Variants in BEAN1 observed in about 807,000 individuals in gnomAD.
BEAN1 encodes the protein brain expressed associated with NEDD4 1.
BEAN1 carries 17 observed loss-of-function variants against 17.7 expected under a neutral mutation model. That is an observed-to-expected ratio of 0.96 (90% CI 0.66 to 1.44). The LOEUF (loss-of-function observed/expected upper bound fraction) is 1.44. Ranked by LOEUF, BEAN1 falls within the 40% of genes most tolerant of loss-of-function variation. The probability of loss-of-function intolerance (pLI) is 0.00; values close to 1 mark genes in which losing one functional copy is unlikely to be tolerated. For synonymous variants in BEAN1, 142 were observed against 151.8 expected (o/e 0.94, Z 0.47); for missense variants, 359 against 374.1 (o/e 0.96, Z 0.33).
intron 2 of BEAN1, among the ~76,000 whole-genome samples, chr16:66,465,533 C>T (rs545670264): frequency 6.6e-6 from 1 of 152,226 alleles, no homozygotes; most frequent in South Asian, 2.1e-4. Context: ...TCACTTTAAC[C>T]ATTTTTAAGT....
intron 2 of BEAN1, among the ~76,000 whole-genome samples, chr16:66,457,832 A>G (rs1219200369): frequency 6.6e-6 from 1 of 151,266 alleles, no homozygotes; most frequent in East Asian, 1.9e-4. Context: ...ATCCAAACCA[A>G]TGAGCCCTGC....
downstream of BEAN1, chr16:66,484,658 C>T (rs190619049): frequency 3.1e-3 from 1,425 of 454,046 alleles, 11 homozygotes; most frequent in African/African-American, 0.025. The surrounding 1 kb of genome is among the most constrained non-coding windows in gnomAD (Gnocchi z 4.2). Flanking sequence ...GGGAAGTGTT[C>T]CCAGGAGTAC....
At chr16:66,484,552 C>G, downstream of BEAN1, 1 of 453,670 alleles carries the variant, frequency 2.2e-6, no homozygotes, top group Non-Finnish European at 4.4e-6. This position sits in a 1 kb window ranked among gnomAD's most constrained non-coding sequence, Gnocchi z 4.2. Flanking sequence ...CATCAGAGGC[C>G]CAAGGAGATG....
At chr16:66,490,387 ACT>A (rs1318502977) in intron 4 of BEAN1, among the ~76,000 whole-genome samples, 2 of 145,798 alleles carry the variant, frequency 1.4e-5, no homozygotes, top group Admixed American at 6.8e-5. Context: ...ACAAAACAAG[ACT>A]CTGTTTCAAT....
At chr16:66,430,056 C>T (rs1596965905) in intron 1 of BEAN1, among the ~76,000 whole-genome samples, 2 of 152,164 alleles carry the variant, frequency 1.3e-5, no homozygotes, top group Admixed American at 6.5e-5. Flanking sequence ...ACAAGAGTCA[C>T]GGCTGAGAGC....
intron 2 of BEAN1, among the ~76,000 whole-genome samples, chr16:66,448,479 C>T (rs1596998020): frequency 6.6e-6 from 1 of 152,274 alleles, no homozygotes; most frequent in East Asian, 1.9e-4. Flanking sequence ...AAAGGTGCAC[C>T]AACCATCAGT....
In BEAN1 at chr16:66,473,351, G is replaced by A. The variant is rs570352151; in HGVS notation, c.289+3486G>A. On this transcript the variant is annotated intron_variant, in intron 3 of 4. Coordinates refer to ENST00000536005, the MANE Select transcript of BEAN1 (RefSeq NM_001178020.3). The surrounding 1 kb of genome is among the most constrained non-coding windows in gnomAD (Gnocchi z 4.5). ...GTGGTGGTGACCCCTGTGGGGTTCC[G>A]GCCTCCCTGCCCCACTTCTGCACTC... Among the ~76,000 whole-genome samples the A allele has an allele frequency of 6.6e-5, 10 of 152,280 alleles. No homozygotes were observed. The South Asian group carries it at 1.0e-3, about 16-fold the overall frequency.
At chr16:66,436,313 GCTGGAGTGCAGTGGCATGATCTCGGCTCA>G (rs1962016336) in intron 1 of BEAN1, among the ~76,000 whole-genome samples, 3 of 147,204 alleles carry the variant, frequency 2.0e-5, no homozygotes, top group Admixed American at 6.8e-5. Flanking sequence ...TGTCACCCAG[GCTGGAGTGCAGTGGCATGATCTCGGCTCA>G]CTGCAAGCTC....
At chr16:66,460,291 C>T (rs1381711437) in intron 2 of BEAN1, among the ~76,000 whole-genome samples, 1 of 152,362 alleles carries the variant, frequency 6.6e-6, no homozygotes, top group African/African-American at 2.4e-5. Context: ...CACTCTCCAC[C>T]TCTCAGGGCT....
intron 2 of BEAN1, among the ~76,000 whole-genome samples, chr16:66,466,514 TA>T (rs1416793095): frequency 6.6e-6 from 1 of 152,238 alleles, no homozygotes; most frequent in Non-Finnish European, 1.5e-5. Context: ...TTTACATACA[TA>T]AATTTCCCTC....
chr16:66,456,884 A>G (rs1962888434), intron 2 of BEAN1, among the ~76,000 whole-genome samples: 1 of 152,260 alleles, frequency 6.6e-6, no homozygotes, highest in Non-Finnish European at 1.5e-5. Flanking sequence ...ATGTATCTTA[A>G]TAGTGGAATG....
chr16:66,486,846 C>T (rs1347056812), downstream of BEAN1, among the ~76,000 whole-genome samples: 1 of 152,154 alleles, frequency 6.6e-6, no homozygotes, highest in African/African-American at 2.4e-5. Flanking sequence ...ATGAGCTGGG[C>T]AGTGAGTCAG....
At chr16:66,442,867 T>G (rs1962310843) in intron 2 of BEAN1, among the ~76,000 whole-genome samples, 1 of 151,992 alleles carries the variant, frequency 6.6e-6, no homozygotes. Flanking sequence ...GAGGGGGAAA[T>G]AGAGAGAGAT....
At chr16:66,461,621 C>T (rs151163714) in intron 2 of BEAN1, among the ~76,000 whole-genome samples, 23 of 146,948 alleles carry the variant, frequency 1.6e-4, no homozygotes, top group Admixed American at 6.8e-4. Context: ...CACAAACGCA[C>T]GCACATCCAA....
intron 2 of BEAN1, among the ~76,000 whole-genome samples, chr16:66,443,632 T>C (rs1377227781): frequency 6.6e-6 from 1 of 152,100 alleles, no homozygotes; most frequent in Non-Finnish European, 1.5e-5. Flanking sequence ...CCCTAGTGAG[T>C]ACTCGGCATT....
intron 4 of BEAN1, 69 bp downstream of exon 4, chr16:66,477,779 A>G (rs1963815826): frequency 1.4e-6 from 2 of 1,409,242 alleles, no homozygotes; most frequent in Middle Eastern, 2.0e-4. Context: ...CCCCAACTCC[A>G]TCATGGGAAA....
At chr16:66,457,013 C>G (rs7188506) in intron 2 of BEAN1, among the ~76,000 whole-genome samples, 19,774 of 152,256 alleles carry the variant, frequency 0.13, 1,891 homozygotes, top group African/African-American at 0.26. Flanking sequence ...AAAGTGCTCT[C>G]CTGTTCACTC....
At chr16:66,488,688 T>G (rs1277908803) in intron 4 of BEAN1, among the ~76,000 whole-genome samples, 1 of 145,420 alleles carries the variant, frequency 6.9e-6, no homozygotes, top group East Asian at 2.1e-4. Context: ...CAGGGTGAGA[T>G]CATATCTCAA....
intron 2 of BEAN1, among the ~76,000 whole-genome samples, chr16:66,455,183 C>A (rs1454976432): frequency 6.6e-6 from 1 of 152,148 alleles, no homozygotes; most frequent in African/African-American, 2.4e-5. Flanking sequence ...GTATTAAATA[C>A]CCTGGTCAGT....
Sources: gnomAD v4.1 joint callset for allele counts (sites outside exome capture counted in the v4.1 genomes callset) on GRCh38, gnomAD v4.1.1 for gene constraint, Gnocchi (gnomAD v3.1) non-coding constraint, MANE v1.5 for transcripts, NCBI Gene and HGNC (gene_info 2026-07-23, HGNC 2026-07-21) for gene names.